The following DOCK9 variants were observed in gnomAD, a reference collection of about 807,000 sequenced individuals.
DOCK9 encodes dedicator of cytokinesis protein 9.
Under a neutral mutation model 263.3 loss-of-function variants are expected in DOCK9, and 89 were observed. That is an observed-to-expected ratio of 0.34 (90% CI 0.28 to 0.40). The LOEUF is 0.40. Ranked by LOEUF, DOCK9 falls within the 10% of genes least tolerant of loss-of-function variation. The pLI is 1.00. For missense variants in DOCK9, 2,140 were observed against 2,603.4 expected (o/e 0.82, Z 3.87); for synonymous variants, 976 against 973.1 (o/e 1.00, Z -0.06).
chr13:98,808,754 A>G (rs557045580), intron 47 of DOCK9: 3 of 884,622 alleles, frequency 3.4e-6, no homozygotes, highest in East Asian at 5.3e-5. Context: ...CCCTAAATAT[A>G]TGTATTATAA....
intron 38 of DOCK9, among the ~76,000 whole-genome samples, chr13:98,841,552 G>A (rs2093212420): frequency 6.6e-6 from 1 of 151,692 alleles, no homozygotes; most frequent in South Asian, 2.1e-4. Context: ...GTGCAAAAAT[G>A]TGCCTCAGAA....
chr13:99,060,591 G>T (rs1566371654), intron 1 of DOCK9, among the ~76,000 whole-genome samples: 1 of 152,166 alleles, frequency 6.6e-6, no homozygotes, highest in Non-Finnish European at 1.5e-5. Flanking sequence ...AGCAATGTAT[G>T]ACGGTTCAAA....
intron 14 of DOCK9, 33 bp downstream of exon 14, chr13:98,898,146 A>G: frequency 1.3e-6 from 2 of 1,501,394 alleles, no homozygotes; most frequent in Middle Eastern, 3.4e-4. Flanking sequence ...ACCTATCTAT[A>G]TCGATTTAAA....
chr13:99,038,292 T>TGGC (rs1566338386), intron 1 of DOCK9, among the ~76,000 whole-genome samples: 1 of 33,314 alleles, frequency 3.0e-5, no homozygotes, highest in African/African-American at 1.1e-4. Flanking sequence ...GCCCCCCTTT[T>TGGC]TTTTTTTTTT....
At chr13:99,085,546 T>C (rs1375599836) in intron 1 of DOCK9, among the ~76,000 whole-genome samples, 1 of 152,212 alleles carries the variant, frequency 6.6e-6, no homozygotes, top group Non-Finnish European at 1.5e-5. Context: ...AGATTCGTTT[T>C]GGGCTGATGG....
chr13:99,036,914 TG>T (rs1304259303), intron 1 of DOCK9, among the ~76,000 whole-genome samples: 1 of 152,204 alleles, frequency 6.6e-6, no homozygotes, highest in Non-Finnish European at 1.5e-5. Flanking sequence ...ACAAACATTT[TG>T]TCCATTCAGC....
rs556214410 is a variant in DOCK9 at position 98,971,393 on chromosome 13, A to T, written c.126+6391T>A. ...AATAAACATTTCAGGATTAACCTGG[A>T]TCATCTATAAATTTTTTAAAAAGGA... On this transcript the variant is annotated intron_variant, in intron 1 of 52. Transcript: ENST00000682017. 1.4e-4 allele frequency among the ~76,000 whole-genome samples: 22 copies of T among 152,306 alleles called. No homozygotes were observed. The South Asian group carries it at 4.4e-3, about 30-fold the overall frequency.
chr13:98,860,565 A>C, intron 32 of DOCK9, 43 bp from the exon 33 acceptor site: 1 of 1,514,530 alleles, frequency 6.6e-7, no homozygotes, highest in African/African-American at 1.4e-5. Context: ...GATGACTGGA[A>C]AGGATTCCTC....
At chr13:98,797,564 A>G (rs574071333) in intron 50 of DOCK9, 75 bp from the exon 51 acceptor site, 2 of 1,367,844 alleles carry the variant, frequency 1.5e-6, no homozygotes, top group African/African-American at 2.9e-5. Flanking sequence ...TTCAGTTTGC[A>G]GGCACTAAAA....
At chr13:98,899,541 C>G (rs980293233) in intron 13 of DOCK9, among the ~76,000 whole-genome samples, 9 of 152,292 alleles carry the variant, frequency 5.9e-5, no homozygotes, top group East Asian at 3.9e-4. Context: ...GGACCTCCCC[C>G]CTTCTCCAAT....
At chr13:98,866,921 T>C in intron 30 of DOCK9, 1 of 237,066 alleles carries the variant, frequency 4.2e-6, no homozygotes, top group South Asian at 5.0e-5. Flanking sequence ...AATTCACTAA[T>C]TTATGGCAAG....
chr13:98,867,354 C>A, intron 30 of DOCK9, 71 bp downstream of exon 30: 1 of 876,412 alleles, frequency 1.1e-6, no homozygotes, highest in Non-Finnish European at 1.8e-6. Flanking sequence ...ATGTTTGAAT[C>A]AATTATCTTT....
intron 1 of DOCK9, among the ~76,000 whole-genome samples, chr13:98,965,585 A>G (rs1045576724): frequency 6.6e-6 from 1 of 152,212 alleles, no homozygotes; most frequent in South Asian, 2.1e-4. Context: ...GCCCTGGCCC[A>G]GGATCTTGTC....
intron 47 of DOCK9, 37 bp from the exon 48 acceptor site, chr13:98,807,844 G>A (rs377033714): frequency 7.7e-5 from 121 of 1,573,590 alleles, no homozygotes; most frequent in Non-Finnish European, 9.5e-5. Context: ...ATCCCTGAAC[G>A]TAAGCCCAGG....
At chr13:99,040,502 T>A (rs535035074) in intron 1 of DOCK9, among the ~76,000 whole-genome samples, 14 of 152,164 alleles carry the variant, frequency 9.2e-5, no homozygotes, top group Admixed American at 2.6e-4. Flanking sequence ...ATATAAATTT[T>A]AAAAAAAATT....
In DOCK9 at chr13:98,824,332, G is replaced by C. The variant is rs2140709388; in HGVS notation, c.5130+66C>G. The stretch of plus-strand genomic sequence containing the variant: ...GAAAAAGCCCTGGTCTGATGCACTA[G>C]CAATGCAAACAGCAGGCTCCCAGAT... On this transcript the variant is annotated intron_variant, in intron 45 of 52. Transcript: ENST00000682017. 3 of 1,403,278 alleles carry C rather than the reference G, an allele frequency of 2.1e-6. No homozygotes were observed. In the East Asian group the frequency reaches 6.9e-5, roughly 32 times the overall value. The allele number at this position is 1,403,278 out of a possible 1,614,324, so 86.9% of individuals were successfully genotyped here. A position where few individuals can be genotyped will look rare whatever the true frequency, so the allele number is the denominator to read the frequency against.
At chr13:99,042,014 C>G (rs976385353) in intron 1 of DOCK9, among the ~76,000 whole-genome samples, 1 of 152,126 alleles carries the variant, frequency 6.6e-6, no homozygotes, top group Non-Finnish European at 1.5e-5. Context: ...TTTTCAGCCA[C>G]CAGGTTTGTG....
chr13:98,864,580 C>T (rs764991390), intron 30 of DOCK9, among the ~76,000 whole-genome samples: 33 of 152,150 alleles, frequency 2.2e-4, no homozygotes, highest in Non-Finnish European at 4.3e-4. Context: ...ATTATTTCAC[C>T]TAGTTTATCA....
intron 33 of DOCK9, chr13:98,856,241 C>T: frequency 2.2e-6 from 1 of 457,230 alleles, no homozygotes; most frequent in Non-Finnish European, 3.8e-6. Flanking sequence ...CAGATGTAAA[C>T]ATCAATTCAC....
Sources: allele counts gnomAD v4.1 joint callset (sites outside exome capture counted in the v4.1 genomes callset), GRCh38; gene constraint gnomAD v4.1.1; transcripts MANE v1.5; gene names NCBI Gene and HGNC (gene_info 2026-07-23, HGNC 2026-07-21).